DENND1A: variants seen among roughly 807,000 people sequenced by gnomAD.
DENND1A encodes the protein DENN domain containing 1A.
In DENND1A, 51 loss-of-function variants were observed where a neutral mutation model predicts 113.7. That is an observed-to-expected ratio of 0.45 (90% CI 0.36 to 0.57). The LOEUF (loss-of-function observed/expected upper bound fraction) is 0.57. Among genes scored for constraint, DENND1A ranks in the 20% least tolerant of loss-of-function variants. The probability of loss-of-function intolerance (pLI) is 0.00; values close to 1 mark genes in which losing one functional copy is unlikely to be tolerated. For missense variants in DENND1A, 1,258 were observed against 1,395.9 expected, an observed-to-expected ratio of 0.90 and a Z score of 1.57; for synonymous variants, 565 against 570.8, an observed-to-expected ratio of 0.99 and a Z score of 0.14.
chr9:123,757,196 C>T (rs960924511), intron 5 of DENND1A, among the ~76,000 whole-genome samples: 1 of 152,208 alleles, frequency 6.6e-6, no homozygotes, highest in African/African-American at 2.4e-5. Context: ...AGCCTTCTTA[C>T]ACGATTCTTA....
In DENND1A at chr9:123,483,120, ACAAGAGTTGACTTGGATG is replaced by A. The variant is rs1166421261; in HGVS notation, c.994-25241_994-25224del. The stretch of plus-strand genomic sequence containing the variant: ...AGGAATTCAAGAGAGGCTTTAGGAG[ACAAGAGTTGACTTGGATG>A]CAAGAGTTGATGGATCTAGCCGACT... On this transcript the variant is annotated intron_variant, in intron 13 of 23. Transcript: ENST00000394215. Among the ~76,000 whole-genome samples the A allele has an allele frequency of 2.6e-5, 4 of 152,242 alleles. No individual in the cohort carries two copies. The East Asian group carries it at 7.7e-4, about 29-fold the overall frequency.
intron 13 of DENND1A, among the ~76,000 whole-genome samples, chr9:123,537,033 T>G (rs1353773439): frequency 6.6e-6 from 1 of 152,150 alleles, no homozygotes; most frequent in Non-Finnish European, 1.5e-5. Context: ...ATAACAGCCT[T>G]GTACACAATG....
intron 11 of DENND1A, among the ~76,000 whole-genome samples, chr9:123,608,288 G>A (rs761985263): frequency 8.5e-5 from 13 of 152,180 alleles, no homozygotes; most frequent in Admixed American, 2.0e-4. Context: ...TTTCATTTTC[G>A]TAAGCACAAT....
chr9:123,641,416 G>A (rs888467204), intron 9 of DENND1A, among the ~76,000 whole-genome samples: 3 of 146,162 alleles, frequency 2.1e-5, no homozygotes, highest in Non-Finnish European at 4.5e-5. Context: ...GGCAGAAATC[G>A]GATGAATTTA....
Position 123,740,274 on chromosome 9 carries a change from T to C in DENND1A, c.302+17429A>G, listed in dbSNP as rs942509005. 1.4e-4 allele frequency among the ~76,000 whole-genome samples: 22 copies of C among 152,352 alleles called. No individual in the cohort carries two copies. The Middle Eastern group carries it at 0.01, about 71-fold the overall frequency. On this transcript the variant is annotated intron_variant, in intron 5 of 23. Transcript: ENST00000394215. ...GCTTAATGTTCTGAGATTATCTTTT[T>C]GTCAAAAAAGCAGCAAAAATAGAAA... is the stretch of plus-strand genomic sequence containing the variant.
intron 15 of DENND1A, among the ~76,000 whole-genome samples, chr9:123,455,216 T>C (rs991919464): frequency 6.6e-6 from 1 of 152,154 alleles, no homozygotes; most frequent in African/African-American, 2.4e-5. Flanking sequence ...GCCAGAGGGT[T>C]TCCTTCTCAA....
At chr9:123,495,115 A>T (rs377166164) in intron 13 of DENND1A, among the ~76,000 whole-genome samples, 2 of 128,566 alleles carry the variant, frequency 1.6e-5, no homozygotes, top group Non-Finnish European at 3.3e-5. Context: ...TTGTATGTCT[A>T]TCTATTATGA....
chr9:123,863,952 T>C (rs1463143393), intron 2 of DENND1A, among the ~76,000 whole-genome samples: 1 of 151,504 alleles, frequency 6.6e-6, no homozygotes, highest in Non-Finnish European at 1.5e-5. Flanking sequence ...TTCCATGTCA[T>C]TGAAAATATA....
intron 13 of DENND1A, among the ~76,000 whole-genome samples, chr9:123,491,352 C>A (rs1252978581): frequency 6.6e-6 from 1 of 152,194 alleles, no homozygotes. Context: ...GGCTGCCTAG[C>A]CAACAAACCA....
At chr9:123,554,741 T>A (rs1221000973) in intron 13 of DENND1A, among the ~76,000 whole-genome samples, 1 of 152,216 alleles carries the variant, frequency 6.6e-6, no homozygotes, top group Non-Finnish European at 1.5e-5. Flanking sequence ...GAAATCTGGA[T>A]GTGTCTTATA....
chr9:123,665,384 T>C (rs1589580427), intron 8 of DENND1A, among the ~76,000 whole-genome samples: 2 of 152,166 alleles, frequency 1.3e-5, no homozygotes, highest in Non-Finnish European at 2.9e-5. Flanking sequence ...ACATTAGCTA[T>C]TGTTGTTGAA....
chr9:123,875,631 C>T (rs942843962), intron 2 of DENND1A, among the ~76,000 whole-genome samples: 6 of 152,188 alleles, frequency 3.9e-5, no homozygotes, highest in African/African-American at 1.4e-4. Flanking sequence ...ATCCTTAGGC[C>T]ACCCTTAGAC....
chr9:123,440,707 T>A (rs976338479), intron 18 of DENND1A, among the ~76,000 whole-genome samples: 7 of 152,242 alleles, frequency 4.6e-5, no homozygotes, highest in African/African-American at 1.7e-4. Flanking sequence ...AAAGATAACA[T>A]CATAATTCAC....
chr9:123,522,512 A>T (rs1456506744), intron 13 of DENND1A, among the ~76,000 whole-genome samples: 1 of 152,216 alleles, frequency 6.6e-6, no homozygotes, highest in Non-Finnish European at 1.5e-5. Flanking sequence ...AGCAAGATGG[A>T]GCAAACACTT....
At chr9:123,918,480 T>G (rs1272086685) in intron 1 of DENND1A, among the ~76,000 whole-genome samples, 2 of 120,028 alleles carry the variant, frequency 1.7e-5, no homozygotes, top group East Asian at 4.9e-4. Context: ...AGAGGGAGAC[T>G]CCGTCTCAGA....
At chr9:123,632,963 A>G (rs2061545351) in intron 9 of DENND1A, among the ~76,000 whole-genome samples, 1 of 152,102 alleles carries the variant, frequency 6.6e-6, no homozygotes, top group Admixed American at 6.6e-5. Context: ...GCTGGAGTGC[A>G]GTGGCACGAT....
At chr9:123,399,157 G>A (rs1244970651) in intron 21 of DENND1A, among the ~76,000 whole-genome samples, 3 of 152,000 alleles carry the variant, frequency 2.0e-5, no homozygotes, top group South Asian at 2.1e-4. Flanking sequence ...CGTAGCCGTC[G>A]TCCCCACCAG....
chr9:123,387,797 A>G lies in DENND1A; in HGVS notation c.1693T>C (p.Cys565Arg), dbSNP rs2042644541. The G allele has an allele frequency of 2.3e-6, 3 of 1,289,886 alleles. No homozygotes were observed. Among genetic ancestry groups the G allele is most frequent in the Middle Eastern group, 2.1e-4 (1 of 4,718 alleles). The allele number at this position is 1,289,886 out of a possible 1,614,324, so 79.9% of individuals were successfully genotyped here. A position where few individuals can be genotyped will look rare whatever the true frequency, so the allele number is the denominator to read the frequency against. ...GAGCTCGGGCCCTCTTCCCGCTGGC[A>G]TTCATCATCAGAGGAGTCTTCGGAG... ...FLSEDSSDDE[C>R]QREEGPSSGF... is the part of the protein sequence containing the mutation. The change falls in exon 22 of 24, where the codon TGC (cysteine) becomes CGC (arginine). Residue 565 changes from cysteine (C) to arginine (R), a missense_variant. Around this residue, in one of 2 missense-constraint regions of DENND1A, gnomAD observed 1,159 missense variants for 1,231.7 expected, o/e 0.94. Coordinates refer to ENST00000394215, the MANE Select transcript of DENND1A (RefSeq NM_001352964.2).
chr9:123,468,658 C>G (rs2133289171), intron 13 of DENND1A, among the ~76,000 whole-genome samples: 1 of 152,304 alleles, frequency 6.6e-6, no homozygotes, highest in South Asian at 2.1e-4. Flanking sequence ...TGGCAGCTGC[C>G]AAGGAGCCAG....
Sources: allele counts gnomAD v4.1 joint callset (sites outside exome capture counted in the v4.1 genomes callset), GRCh38; gene constraint gnomAD v4.1.1; regional missense constraint gnomAD v4.1.1; transcripts MANE v1.5; gene names NCBI Gene and HGNC (gene_info 2026-07-23, HGNC 2026-07-21).